The following CRYZ variants were observed in gnomAD, a reference collection of about 807,000 sequenced individuals.
CRYZ encodes the protein zeta-crystallin.
In CRYZ, 35 loss-of-function variants were observed where a neutral mutation model predicts 34.1. The observed-to-expected ratio is 1.03, with a 90% confidence interval of 0.78 to 1.36. The LOEUF (loss-of-function observed/expected upper bound fraction) is 1.36, where lower values mean the gene tolerates loss of function less well. Among genes scored for constraint, CRYZ ranks in the 40% most tolerant of loss-of-function variants. The pLI is 0.00. For missense variants in CRYZ, 403 were observed against 391.8 expected (o/e 1.03, Z -0.24); for synonymous variants, 137 against 136.5 (o/e 1.00, Z -0.03).
intron 1 of CRYZ, among the ~76,000 whole-genome samples, chr1:74,732,268 C>A (rs556252304): frequency 6.8e-6 from 1 of 147,032 alleles, no homozygotes; most frequent in African/African-American, 2.5e-5. Context: ...TGCGAAGGGG[C>A]ACTACCTAGG....
At position 74,706,980 on chromosome 1, in the gene CRYZ, T is replaced by A; in HGVS notation, c.747A>T (p.Arg249Ser). 3 of 1,612,842 alleles carry A rather than the reference T, an allele frequency of 1.9e-6. No homozygotes were observed. The highest frequency in any genetic ancestry group is 2.5e-6 in the Non-Finnish European group (3 of 1,179,228). ...CTCGTGGGTTTATTTCAATAGTACC[T>A]CTGCTGCCAACAACCTAACATGAAA... ...HGGRVIVVGS[R>S]GTIEINPRDT... The change falls in exon 8 of 9, where the codon AGA (arginine) becomes AGT (serine). Residue 249 changes from arginine (R) to serine (S), a missense_variant. Arg to Ser is a moderately radical substitution (Grantham distance 110). Coordinates refer to ENST00000340866, the MANE Select transcript of CRYZ (RefSeq NM_001889.4).
In CRYZ at chr1:74,723,311, G is replaced by A. The variant is rs370882717; in HGVS notation, c.112-41C>T. The A allele has an allele frequency of 3.1e-6, 5 of 1,590,914 alleles. No individual in the cohort carries two copies. In the East Asian group the frequency reaches 1.1e-4, roughly 36 times the overall value. On this transcript the variant is annotated intron_variant, in intron 2 of 8. Transcript: ENST00000340866. ...ATTTTAGTTCACAGAAAGAATTTAGGCATTCATTTAACTTTATGCTAGGAC... is the reference window on the plus strand; with the variant it reads ...ATTTTAGTTCACAGAAAGAATTTAGACATTCATTTAACTTTATGCTAGGAC...
intron 6 of CRYZ, among the ~76,000 whole-genome samples, chr1:74,709,260 T>C (rs900951208): frequency 2.0e-5 from 3 of 152,140 alleles, no homozygotes; most frequent in South Asian, 2.1e-4. Context: ...AATTAGATTA[T>C]TGCTGAACAA....
chr1:74,718,776 T>G (rs1285396187), intron 4 of CRYZ, among the ~76,000 whole-genome samples: 1 of 152,058 alleles, frequency 6.6e-6, no homozygotes. Context: ...GGCCCAATAG[T>G]GTACTATTAA....
rs1372746870 is a variant in CRYZ, at chr1:74,706,387, C to G, written c.899G>C (p.Gly300Ala). The change falls in exon 9 of 9, where the codon GGT becomes GCT. Residue 300 changes from glycine (G) to alanine (A), a missense_variant. Transcript: ENST00000340866. ...MEIGWLKPVI[G>A]SQYPLEKVAE... ...CACCTTCTCCAATGGATATTGAGAACCTATCACAGGTTTCAACCAGCCAAT... is the reference window on the plus strand; with the variant it reads ...CACCTTCTCCAATGGATATTGAGAAGCTATCACAGGTTTCAACCAGCCAAT... 1 of 1,612,484 alleles carries G rather than the reference C, an allele frequency of 6.2e-7. No homozygotes were observed. Among genetic ancestry groups the G allele is most frequent in the South Asian group, 1.1e-5 (1 of 90,922 alleles).
chr1:74,719,225 G>A lies in CRYZ; in HGVS notation c.412C>T (p.Arg138Ter), dbSNP rs777653390. Residue 138 changes from arginine to a stop codon, truncating the protein, a stop_gained, in exon 4 of 9, where the codon CGA becomes TGA. Coordinates refer to ENST00000340866, the MANE Select transcript of CRYZ (RefSeq NM_001889.4). LOFTEE classifies it high-confidence loss of function. Reference sequence around the variant, plus strand: ...TGTTATTACCTGTGGATCAGAGCTCGATAAGCAGTAAAATATGGAATGCCG... The same window carrying A: ...TGTTATTACCTGTGGATCAGAGCTCAATAAGCAGTAAAATATGGAATGCCG... ...AIGIPYFTAYRALIHSACVKA... is the reference protein window; with the variant it reads ...AIGIPYFTAY The A allele has an allele frequency of 9.9e-6, 16 of 1,613,666 alleles. 1 individual carries two copies. Among genetic ancestry groups the A allele is most frequent in the South Asian group, 7.7e-5 (7 of 91,056 alleles).
chr1:74,707,004 A>C lies in CRYZ; in HGVS notation c.733-10T>G. 1 of 1,610,828 alleles carries C rather than the reference A, an allele frequency of 6.2e-7. No individual in the cohort carries two copies. Among genetic ancestry groups the C allele is most frequent in the Admixed American group, 1.7e-5 (1 of 59,816 alleles). On this transcript the variant is annotated splice_polypyrimidine_tract_variant and intron_variant, in intron 7 of 8. Coordinates refer to ENST00000340866, the MANE Select transcript of CRYZ (RefSeq NM_001889.4). The stretch of plus-strand genomic sequence containing the variant: ...CTCTGCTGCCAACAACCTAACATGA[A>C]AAACAGCAATTCTACAGTTAAAGAT...
intron 6 of CRYZ, chr1:74,707,556 C>T (rs902894436): frequency 6.3e-6 from 1 of 159,236 alleles, no homozygotes; most frequent in East Asian, 1.8e-4. Context: ...TCAAAAGCCC[C>T]AAACCCCCAG....
At position 74,719,391 on chromosome 1, in the gene CRYZ, G is replaced by A; in HGVS notation, c.265-19C>T. On this transcript the variant is annotated intron_variant, in intron 3 of 8. Transcript: ENST00000340866. ...CACCTTTCTAGGGGAAGAGATAAAT[G>A]AATAAATGCAGGAAGACTAAACATA... 1 of 1,597,704 alleles carries A rather than the reference G, an allele frequency of 6.3e-7. No individual in the cohort carries two copies. The highest frequency in any genetic ancestry group is 1.3e-5 in the African/African-American group (1 of 74,564).
chr1:74,722,572 T>G lies in CRYZ; in HGVS notation c.264+546A>C, dbSNP rs570100021. The stretch of plus-strand genomic sequence containing the variant: ...GAGGAAAGATGCTAGGACATGAGCT[T>G]ACTATGAATATGTCTTTGGGCATAT... On this transcript the variant is annotated intron_variant, in intron 3 of 8. Coordinates refer to ENST00000340866, the MANE Select transcript of CRYZ (RefSeq NM_001889.4). Among the ~76,000 whole-genome samples the G allele has an allele frequency of 4.0e-5, 6 of 149,694 alleles. No individual in the cohort carries two copies. In the East Asian group the frequency reaches 9.7e-4, roughly 24 times the overall value.
At chr1:74,731,370 T>C (rs908723102) in intron 1 of CRYZ, among the ~76,000 whole-genome samples, 1 of 152,148 alleles carries the variant, frequency 6.6e-6, no homozygotes, top group African/African-American at 2.4e-5. Flanking sequence ...TAAAATTAAA[T>C]AAGAATTCTG....
chr1:74,716,309 TGATA>T (rs1478936229), intron 4 of CRYZ, among the ~76,000 whole-genome samples: 3 of 152,068 alleles, frequency 2.0e-5, no homozygotes, highest in Admixed American at 6.6e-5. Context: ...GATGATTGAC[TGATA>T]GATAGACAGA....
chr1:74,710,042 C>T (rs950144677), intron 6 of CRYZ, 56 bp downstream of exon 6: 3 of 1,501,334 alleles, frequency 2.0e-6, no homozygotes, highest in Non-Finnish European at 2.7e-6. Context: ...ATTAAAAAAC[C>T]ACGCAAGTCT....
At chr1:74,730,531 C>CA (rs1275295566) in intron 1 of CRYZ, 1 of 152,148 alleles carries the variant, frequency 6.6e-6, no homozygotes, top group Admixed American at 6.5e-5. Flanking sequence ...ATAAGTCTTC[C>CA]ACCTCCATTG....
Position 74,723,280 on chromosome 1 carries a change from C to T in CRYZ, c.112-10G>A, listed in dbSNP as rs768824821. ...GGACCTTGATTAGAACCTGCAATGA[C>T]AATGTATTTTAGTTCACAGAAAGAA... On this transcript the variant is annotated splice_polypyrimidine_tract_variant and intron_variant, in intron 2 of 8. Coordinates refer to ENST00000340866, the MANE Select transcript of CRYZ (RefSeq NM_001889.4). The T allele has an allele frequency of 3.7e-6, 6 of 1,608,208 alleles. No homozygotes were observed. The South Asian group carries it at 6.7e-5, about 18-fold the overall frequency.
chr1:74,710,674 T>C (rs1433529096), intron 5 of CRYZ, among the ~76,000 whole-genome samples: 4 of 152,152 alleles, frequency 2.6e-5, no homozygotes, highest in Admixed American at 2.6e-4. Flanking sequence ...CTCTGACTTC[T>C]TTGTGCATAT....
Position 74,729,862 on chromosome 1 carries a change from C to T in CRYZ, c.-14+3094G>A, listed in dbSNP as rs1374771017. On this transcript the variant is annotated intron_variant, in intron 1 of 8. Coordinates refer to ENST00000340866, the MANE Select transcript of CRYZ (RefSeq NM_001889.4). Reference sequence around the variant, plus strand: ...GTTATGCAATGCGTATTTTTCTGAACCTTAACTGTACATGAAGTGGTGTGT... The same window carrying T: ...GTTATGCAATGCGTATTTTTCTGAATCTTAACTGTACATGAAGTGGTGTGT... Among the ~76,000 whole-genome samples, 5 of 152,122 alleles carry T rather than the reference C, an allele frequency of 3.3e-5. No homozygotes were observed. In the East Asian group the frequency reaches 9.7e-4, roughly 29 times the overall value.
intron 3 of CRYZ, among the ~76,000 whole-genome samples, chr1:74,719,668 G>A (rs1005564298): frequency 6.6e-5 from 10 of 151,794 alleles, no homozygotes; most frequent in African/African-American, 2.4e-4. Context: ...GCTGATTTTT[G>A]TATTTTTAGT....
chr1:74,710,693 A>C (rs557666685), intron 5 of CRYZ, among the ~76,000 whole-genome samples: 9 of 151,712 alleles, frequency 5.9e-5, no homozygotes, highest in African/African-American at 2.2e-4. Flanking sequence ...ATGAAATTCT[A>C]AATAACAAAT....
Sources: allele counts gnomAD v4.1 joint callset (sites outside exome capture counted in the v4.1 genomes callset), GRCh38; gene constraint gnomAD v4.1.1; transcripts MANE v1.5; gene names NCBI Gene and HGNC (gene_info 2026-07-23, HGNC 2026-07-21).